Variants in DCST1 observed in about 807,000 individuals in gnomAD.
DCST1 encodes E3 ubiquitin-protein ligase DCST1.
A neutral mutation model predicts 89.1 loss-of-function variants in DCST1; 78 were observed. The ratio of observed to expected loss-of-function variants is 0.88; its 90% confidence interval spans 0.73 to 1.06. The LOEUF is 1.06. DCST1 is among the 50% of genes least tolerant of loss of function. The pLI, the probability that DCST1 is intolerant of heterozygous loss-of-function variation, is 0.00. For missense variants in DCST1, 900 were observed against 928.6 expected (o/e 0.97, Z 0.40); for synonymous variants, 364 against 371.9 (o/e 0.98, Z 0.24).
Position 155,041,750 on chromosome 1 carries a change from G to T in DCST1, c.785G>T (p.Trp262Leu). Residue 262 changes from tryptophan (W) to leucine (L), a missense_variant, in exon 8 of 17, where the codon TGG becomes TTG. Transcript: ENST00000295542. ...VNQAILSCRR[W>L]FDRKHEQCMK... ...CAGGCCATACTCAGCTGCCGTCGTT[G>T]GTTTGACCGCAAGCATGAACAGTGC... 1 of 1,614,244 alleles carries T rather than the reference G, an allele frequency of 6.2e-7. No individual in the cohort carries two copies. Among genetic ancestry groups the T allele is most frequent in the Non-Finnish European group, 8.5e-7 (1 of 1,180,046 alleles).
At chr1:155,040,458 G>T in intron 5 of DCST1, 27 bp from the exon 6 acceptor site, 4 of 1,589,460 alleles carry the variant, frequency 2.5e-6, no homozygotes, top group African/African-American at 1.3e-5. Context: ...ATACAGGGAG[G>T]TGACCAACCA....
Position 155,034,425 on chromosome 1 carries a change from C to G in DCST1, c.62-10C>G. On this transcript the variant is annotated splice_polypyrimidine_tract_variant and intron_variant, in intron 2 of 16. Coordinates refer to ENST00000295542, the MANE Select transcript of DCST1 (RefSeq NM_152494.4). ...GAGTGGGCTGTTGAGCTACCCTGTCCCCCTCTTAGCGGTGCAGAGGCTCCT... is the reference window on the plus strand; with the variant it reads ...GAGTGGGCTGTTGAGCTACCCTGTCGCCCTCTTAGCGGTGCAGAGGCTCCT... 1 of 1,613,996 alleles carries G rather than the reference C, an allele frequency of 6.2e-7. No homozygotes were observed. The highest frequency in any genetic ancestry group is 8.5e-7 in the Non-Finnish European group (1 of 1,180,040).
rs1001794559 is a variant in DCST1 at position 155,035,169 on chromosome 1, T to C, written c.262+442T>C. On this transcript the variant is annotated intron_variant, in intron 4 of 16. Transcript: ENST00000295542. ...TGCTTTGGTTTTGTTTGTATGTTTT[T>C]GTTTTCGTTTTGAGACGGAGTCTCG... The C allele has an allele frequency of 2.6e-5, 5 of 189,816 alleles. No homozygotes were observed. The Admixed American group carries it at 2.7e-4, about 10-fold the overall frequency. The allele number at this position is 189,816 out of a possible 1,614,324, so 11.8% of individuals were successfully genotyped here. A position where few individuals can be genotyped will look rare whatever the true frequency, so the allele number is the denominator to read the frequency against.
chr1:155,048,213 C>T lies in DCST1; in HGVS notation c.1869+43C>T, dbSNP rs371489532. Reference sequence around the variant, plus strand: ...TGCTGCTGCCAGCTCCTGGCTGGGTCTAAGTACAGCAGGCAAGGGGCAGCT... The same window carrying T: ...TGCTGCTGCCAGCTCCTGGCTGGGTTTAAGTACAGCAGGCAAGGGGCAGCT... On this transcript the variant is annotated intron_variant, in intron 16 of 16. Transcript: ENST00000295542. 56 of 1,547,772 alleles carry T rather than the reference C, an allele frequency of 3.6e-5. No individual in the cohort carries two copies. The Admixed American group carries it at 6.8e-4, about 19-fold the overall frequency.
Position 155,046,145 on chromosome 1 carries a change from A to G in DCST1, c.1293A>G (p.Pro431=), listed in dbSNP as rs764786549. Reference sequence around the variant, plus strand: ...TCCAGGGCAAACGGACTCTGCTGCCACTCCGCAAAGCTGAGGAGAAAACCG... The same window carrying G: ...TCCAGGGCAAACGGACTCTGCTGCCGCTCCGCAAAGCTGAGGAGAAAACCG... ...RKKLGKRTLL[P]LRKAEEKTVI... The change falls in exon 12 of 17, where the codon CCA becomes CCG. Residue 431 remains proline, a synonymous_variant. Coordinates refer to ENST00000295542, the MANE Select transcript of DCST1 (RefSeq NM_152494.4). 1 of 1,613,996 alleles carries G rather than the reference A, an allele frequency of 6.2e-7. No individual in the cohort carries two copies. The highest frequency in any genetic ancestry group is 8.5e-7 in the Non-Finnish European group (1 of 1,180,010).
In DCST1 at chr1:155,034,557, A is replaced by T. The variant is rs964252772; in HGVS notation, c.184A>T (p.Ile62Leu). The change falls in exon 3 of 17, where the codon ATA becomes TTA. Residue 62 changes from isoleucine to leucine, a missense_variant. Coordinates refer to ENST00000295542, the MANE Select transcript of DCST1 (RefSeq NM_152494.4). ...GGCAGGCGCTGGGGGGCTCCTGGCC[A>T]TAGGTGAGTGTGGAAGCAGAAAGTT... ...LGAGAGGLLA[I>L]GLFQLLVNPM... 1 of 1,613,694 alleles carries T rather than the reference A, an allele frequency of 6.2e-7. No individual in the cohort carries two copies. The highest frequency in any genetic ancestry group is 1.3e-5 in the African/African-American group (1 of 74,898).
At chr1:155,048,983 C>A in intron 16 of DCST1, 2 of 716,524 alleles carry the variant, frequency 2.8e-6, no homozygotes, top group South Asian at 3.0e-5. Context: ...AGTTGTGTCA[C>A]CTTGGCCAAG....
chr1:155,040,003 A>T (rs1660388739), intron 5 of DCST1, among the ~76,000 whole-genome samples: 1 of 138,588 alleles, frequency 7.2e-6, no homozygotes, highest in South Asian at 2.4e-4. Flanking sequence ...AAAAAAAAAA[A>T]AAAAAAAAAA....
At position 155,050,862 on chromosome 1, in the gene DCST1, G is replaced by A. The variant is rs1278345064; in HGVS notation, c.2115G>A (p.Ala705=). Residue 705 remains alanine (A), a synonymous_variant, in exon 17 of 17, where the codon GCG becomes GCA. Transcript: ENST00000295542. ...ACAGCAACGACGACACTGCCTACGC[G>A]GGGTGAAGAGGCGTCCTGCTCGCTC... ...FSDSNDDTAY[A]G The A allele has an allele frequency of 1.2e-6, 2 of 1,608,544 alleles. No homozygotes were observed. The highest frequency in any genetic ancestry group is 1.3e-5 in the African/African-American group (1 of 74,826).
chr1:155,050,426 A>C, intron 16 of DCST1, 191 bp from the exon 17 acceptor site: 1 of 673,974 alleles, frequency 1.5e-6, no homozygotes, highest in Admixed American at 3.0e-5. Context: ...TGGAGGGTGC[A>C]TCCTCCCATT....
intron 4 of DCST1, among the ~76,000 whole-genome samples, chr1:155,036,016 A>G (rs1054765808): frequency 4.7e-5 from 7 of 149,848 alleles, no homozygotes; most frequent in African/African-American, 1.5e-4. Flanking sequence ...AAAAAGGAAA[A>G]TGACCTAGGT....
rs751470323 is a variant in DCST1 at position 155,047,243 on chromosome 1, C to T, written c.1543C>T (p.Arg515Trp). ...VKVGGDSMLA[R>W]LLRKTIGALN... ...GGTCGGGGGAGACTCCATGCTAGCC[C>T]GGCTTCTTCGAAAAACCATTGGGGC... Residue 515 changes from arginine to tryptophan, a missense_variant, in exon 14 of 17, where the codon CGG (arginine) becomes TGG (tryptophan). Transcript: ENST00000295542. The T allele has an allele frequency of 6.8e-6, 11 of 1,614,176 alleles. No individual in the cohort carries two copies. Among genetic ancestry groups the T allele is most frequent in the Middle Eastern group, 3.3e-4 (2 of 6,056 alleles).
intron 8 of DCST1, 131 bp from the exon 9 acceptor site, chr1:155,042,604 G>T: frequency 1.6e-6 from 2 of 1,225,604 alleles, no homozygotes; most frequent in Non-Finnish European, 2.3e-6. Context: ...ACTCAGCATT[G>T]GTGTGGTAGC....
At position 155,034,541 on chromosome 1, in the gene DCST1, TG is replaced by T. The variant is rs746224810; in HGVS notation, c.174del (p.Leu59SerfsTer4). On this transcript the variant is annotated frameshift_variant, in exon 3 of 17. Transcript: ENST00000295542. LOFTEE classifies it high-confidence loss of function. ...VTALLLGAGA[G>X]GLLAIGLFQL... ...CTGCTCTCCTGCTGGGGGCAGGCGC[TG>T]GGGGGCTCCTGGCCATAGGTGAGTG... The T allele has an allele frequency of 1.2e-6, 2 of 1,613,552 alleles. No homozygotes were observed. The highest frequency in any genetic ancestry group is 1.7e-6 in the Non-Finnish European group (2 of 1,179,964).
chr1:155,037,767 T>A (rs1481545163), intron 4 of DCST1, among the ~76,000 whole-genome samples: 1 of 152,034 alleles, frequency 6.6e-6, no homozygotes, highest in Non-Finnish European at 1.5e-5. Flanking sequence ...ATAGATGGGG[T>A]GGGATAGAGG....
intron 8 of DCST1, 75 bp from the exon 9 acceptor site, chr1:155,042,660 G>C: frequency 1.2e-6 from 2 of 1,603,694 alleles, no homozygotes; most frequent in Non-Finnish European, 1.7e-6. Flanking sequence ...GAGGACTACA[G>C]GAGGACAGGC....
intron 9 of DCST1, 136 bp downstream of exon 9, chr1:155,042,992 G>A (rs560185567): frequency 2.3e-5 from 28 of 1,209,710 alleles, no homozygotes; most frequent in African/African-American, 7.6e-5. Context: ...GGACAAGGAG[G>A]GGGAATGTCG....
intron 4 of DCST1, among the ~76,000 whole-genome samples, chr1:155,036,778 G>A (rs893863001): frequency 1.3e-5 from 2 of 152,014 alleles, no homozygotes; most frequent in Non-Finnish European, 2.9e-5. Flanking sequence ...CCTCGGCAAT[G>A]CCCGGTTTCT....
In DCST1 at chr1:155,048,610, T is replaced by A. The variant is rs376944779; in HGVS notation, c.1869+440T>A. Among the ~76,000 whole-genome samples, 284 of 152,242 alleles carry A rather than the reference T, an allele frequency of 1.9e-3. 3 individuals are homozygous for A. The highest frequency in any genetic ancestry group is 6.6e-3 in the African/African-American group (273 of 41,530). The stretch of plus-strand genomic sequence containing the variant: ...CCACCAAGCCCAGCCAAGCCCGGTG[T>A]AATCTGATGCAACACATGCTGAGGG... On this transcript the variant is annotated intron_variant, in intron 16 of 16. Coordinates refer to ENST00000295542, the MANE Select transcript of DCST1 (RefSeq NM_152494.4).
Sources: allele counts gnomAD v4.1 joint callset (sites outside exome capture counted in the v4.1 genomes callset), GRCh38; gene constraint gnomAD v4.1.1; transcripts MANE v1.5; gene names NCBI Gene and HGNC (gene_info 2026-07-23, HGNC 2026-07-21).